The following MAGI3 variants were observed in gnomAD, a reference collection of about 807,000 sequenced individuals.
MAGI3 encodes membrane-associated guanylate kinase, WW and PDZ domain-containing protein 3.
In MAGI3, 43 loss-of-function variants were observed where a neutral mutation model predicts 121.8. That is an observed-to-expected ratio of 0.35 (90% CI 0.28 to 0.46). The LOEUF (loss-of-function observed/expected upper bound fraction) is 0.46, where lower values mean the gene tolerates loss of function less well. Among genes scored for constraint, MAGI3 ranks in the 20% least tolerant of loss-of-function variants. The probability of loss-of-function intolerance (pLI) is 1.00; values close to 1 mark genes in which losing one functional copy is unlikely to be tolerated. For missense variants in MAGI3, 1,547 were observed against 1,797.3 expected (o/e 0.86, Z 2.52); for synonymous variants, 553 against 639.3 (o/e 0.86, Z 2.04).
chr1:113,659,556 T>C (rs1362886038), intron 16 of MAGI3, among the ~76,000 whole-genome samples: 1 of 152,252 alleles, frequency 6.6e-6, no homozygotes, highest in Non-Finnish European at 1.5e-5. Context: ...TTTCAGATCT[T>C]ATTTTCTTAA....
In MAGI3 at chr1:113,685,355, A is replaced by G. The variant is rs1648481417; in HGVS notation, c.*1341A>G. Reference sequence around the variant, plus strand: ...TAAATAAAGGCACCTTCTGAGAATAAAACTATTTTATGGAGTGTGTGAACA... The same window carrying G: ...TAAATAAAGGCACCTTCTGAGAATAGAACTATTTTATGGAGTGTGTGAACA... On this transcript the variant is annotated 3_prime_UTR_variant, in exon 21 of 21. Transcript: ENST00000307546. The G allele has an allele frequency of 6.6e-6, 1 of 152,352 alleles. No homozygotes were observed. Among genetic ancestry groups the G allele is most frequent in the Admixed American group, 6.5e-5 (1 of 15,286 alleles). The allele number at this position is 152,352 out of a possible 1,614,324, so 9.4% of individuals were successfully genotyped here.
chr1:113,623,831 T>A (rs1192216818), intron 9 of MAGI3, among the ~76,000 whole-genome samples: 2 of 151,944 alleles, frequency 1.3e-5, no homozygotes, highest in Non-Finnish European at 2.9e-5. Flanking sequence ...CATCTCCACT[T>A]CCCTCTCACC....
chr1:113,400,358 T>C (rs540524922), intron 1 of MAGI3, among the ~76,000 whole-genome samples: 3 of 152,246 alleles, frequency 2.0e-5, no homozygotes, highest in South Asian at 4.1e-4. Flanking sequence ...AGTTTTGTAG[T>C]TTTGCCAAGT....
At chr1:113,518,777 A>C (rs539524692) in intron 1 of MAGI3, among the ~76,000 whole-genome samples, 1 of 152,260 alleles carries the variant, frequency 6.6e-6, no homozygotes, top group East Asian at 1.9e-4. Context: ...AGGGATCTTA[A>C]ATCTAATCCA....
intron 2 of MAGI3, among the ~76,000 whole-genome samples, chr1:113,572,048 A>G (rs1195716090): frequency 1.3e-5 from 2 of 152,040 alleles, no homozygotes. Flanking sequence ...AATAGCTCTT[A>G]TTATTTTGAG....
At chr1:113,643,501 C>A (rs1652664801) in intron 10 of MAGI3, among the ~76,000 whole-genome samples, 1 of 152,126 alleles carries the variant, frequency 6.6e-6, no homozygotes. Context: ...CTTACTGGTT[C>A]TTTGGTATAG....
At chr1:113,433,090 T>C (rs1000080173) in intron 1 of MAGI3, among the ~76,000 whole-genome samples, 12 of 152,148 alleles carry the variant, frequency 7.9e-5, no homozygotes, top group Non-Finnish European at 1.8e-4. Context: ...ATATGTATGG[T>C]TTTAATTTGC....
intron 16 of MAGI3, among the ~76,000 whole-genome samples, chr1:113,670,185 G>C (rs1157382827): frequency 6.6e-6 from 1 of 152,118 alleles, no homozygotes; most frequent in East Asian, 1.9e-4. Context: ...CCAGCAGCCA[G>C]AGGGCGTAGA....
At chr1:113,507,944 C>T (rs1360835767) in intron 1 of MAGI3, among the ~76,000 whole-genome samples, 5 of 152,080 alleles carry the variant, frequency 3.3e-5, no homozygotes, top group Non-Finnish European at 7.3e-5. Flanking sequence ...TTTTGGGGGT[C>T]ATGTGCCTGC....
Position 113,642,397 on chromosome 1 carries a change from G to C in MAGI3, c.1847G>C (p.Gly616Ala), listed in dbSNP as rs1339265441. Residue 616 changes from glycine (G) to alanine (A), a missense_variant, in exon 10 of 21, where the codon GGA (glycine) becomes GCA (alanine). By Grantham distance (60) the Gly-to-Ala change is moderately conservative. Transcript: ENST00000307546. Reference protein sequence around the residue: ...DSQWCQGLQKGDIIKEIYHQN... With the variant: ...DSQWCQGLQKADIIKEIYHQN... Reference sequence around the variant, plus strand: ...CAGTGGTGTCAAGGCCTTCAGAAAGGAGATATAATTAAGGAAATATACCAT... The same window carrying C: ...CAGTGGTGTCAAGGCCTTCAGAAAGCAGATATAATTAAGGAAATATACCAT... 1.2e-6 allele frequency: 2 copies of C among 1,614,142 alleles called. No individual in the cohort carries two copies. Among genetic ancestry groups the C allele is most frequent in the Non-Finnish European group, 1.7e-6 (2 of 1,180,030 alleles).
chr1:113,421,083 A>G (rs560627279), intron 1 of MAGI3, among the ~76,000 whole-genome samples: 3 of 152,248 alleles, frequency 2.0e-5, no homozygotes, highest in African/African-American at 7.2e-5. Flanking sequence ...GAAATTGAAC[A>G]TATTTTCTAA....
intron 1 of MAGI3, among the ~76,000 whole-genome samples, chr1:113,496,048 G>A (rs1461378739): frequency 1.3e-5 from 2 of 152,168 alleles, no homozygotes; most frequent in Admixed American, 6.5e-5. Context: ...TTTAGTGGTT[G>A]AAATCTTTCT....
rs1319847421 is a variant in MAGI3 at position 113,415,425 on chromosome 1, A to T, written c.316+24076A>T. Among the ~76,000 whole-genome samples the T allele has an allele frequency of 2.0e-5, 3 of 152,214 alleles. 1 individual carries two copies. In the East Asian group the frequency reaches 5.8e-4, roughly 29 times the overall value. On this transcript the variant is annotated intron_variant, in intron 1 of 20. Transcript: ENST00000307546. The stretch of plus-strand genomic sequence containing the variant: ...ATTGGCTATTTTCAGAGGTTTGTGT[A>T]TACCAGCAATAGTTGAGAATGAATA...
chr1:113,683,887 A>G lies in MAGI3; in HGVS notation c.4319A>G (p.Glu1440Gly), dbSNP rs767006695. ...KELEAADKNK[E>G]TGRFKPESSS... ...CTAGAGGCAGCTGACAAAAACAAAG[A>G]GACTGGAAGGTTCAAACCGGAAAGC... Residue 1440 changes from glutamate to glycine, a missense_variant, in exon 21 of 21, where the codon GAG (glutamate) becomes GGG (glycine). Glu to Gly is a moderately conservative substitution (Grantham distance 98). Transcript: ENST00000307546. The G allele has an allele frequency of 5.0e-6, 8 of 1,612,548 alleles. No homozygotes were observed. Among genetic ancestry groups the G allele is most frequent in the Non-Finnish European group, 6.8e-6 (8 of 1,179,366 alleles).
rs1031891262 is a variant in MAGI3, at chr1:113,684,949, T to C, written c.*935T>C. 1 of 152,376 alleles carries C rather than the reference T, an allele frequency of 6.6e-6. No individual in the cohort carries two copies. The highest frequency in any genetic ancestry group is 2.4e-5 in the African/African-American group (1 of 41,466). The allele number at this position is 152,376 out of a possible 1,614,324, so 9.4% of individuals were successfully genotyped here. ...TAGTCTTTAATACATAATACATATT[T>C]GAAAAGTAAACATATTATATAGATT... On this transcript the variant is annotated 3_prime_UTR_variant, in exon 21 of 21. Transcript: ENST00000307546.
At chr1:113,626,274 T>A (rs1651235643) in intron 9 of MAGI3, among the ~76,000 whole-genome samples, 1 of 152,246 alleles carries the variant, frequency 6.6e-6, no homozygotes, top group Non-Finnish European at 1.5e-5. Context: ...ACTGATTATT[T>A]GCATATATTG....
chr1:113,620,681 G>A (rs1650765346), intron 8 of MAGI3, among the ~76,000 whole-genome samples: 1 of 152,114 alleles, frequency 6.6e-6, no homozygotes, highest in Admixed American at 6.5e-5. Flanking sequence ...AGTAAGACAG[G>A]GCTTGCCCTC....
chr1:113,628,813 G>A (rs1032892837), intron 9 of MAGI3, among the ~76,000 whole-genome samples: 1 of 152,052 alleles, frequency 6.6e-6, no homozygotes, highest in African/African-American at 2.4e-5. Flanking sequence ...TATGTTACTT[G>A]TTTCTTTTCT....
chr1:113,438,422 T>C (rs905735164), intron 1 of MAGI3, among the ~76,000 whole-genome samples: 2 of 152,216 alleles, frequency 1.3e-5, no homozygotes, highest in Admixed American at 1.3e-4. Flanking sequence ...TAAGCACTTA[T>C]CACATACTAT....
Sources: gnomAD v4.1 joint callset for allele counts (sites outside exome capture counted in the v4.1 genomes callset) on GRCh38, gnomAD v4.1.1 for gene constraint, MANE v1.5 for transcripts, NCBI Gene and HGNC (gene_info 2026-07-23, HGNC 2026-07-21) for gene names.